HIRIP3: variants seen among roughly 807,000 people sequenced by gnomAD.
The protein encoded by HIRIP3 is HIRA interacting protein 3, also known as HIRA-interacting protein 3.
HIRIP3 carries 40 observed loss-of-function variants against 50.3 expected under a neutral mutation model. That is an observed-to-expected ratio of 0.79 (90% CI 0.62 to 1.03). HIRIP3 has a LOEUF of 1.03. Among genes scored for constraint, HIRIP3 ranks in the 50% least tolerant of loss-of-function variants. The pLI, the probability that HIRIP3 is intolerant of heterozygous loss-of-function variation, is 0.00. For synonymous variants in HIRIP3, 318 were observed against 261.6 expected (o/e 1.22, Z -2.08); for missense variants, 765 against 705.4 (o/e 1.08, Z -0.96).
At chr16:29,995,714 G>A, upstream of HIRIP3, 5 of 1,410,138 alleles carry the variant, frequency 3.5e-6, no homozygotes, top group South Asian at 6.2e-5. Context: ...GTGGGGCGAG[G>A]GACCGTTGGC....
At position 29,993,607 on chromosome 16, in the gene HIRIP3, C is replaced by T. The variant is rs748206727; in HGVS notation, c.1408+33G>A. 8.1e-6 allele frequency: 13 copies of T among 1,611,588 alleles called. No homozygotes were observed. The East Asian group carries it at 2.7e-4, about 33-fold the overall frequency. The stretch of plus-strand genomic sequence containing the variant: ...CTCTCCTCCCCAGCAGGAAGGCCCT[C>T]TCCTGCAGCCCCCAGGGCACGCCGG... On this transcript the variant is annotated intron_variant, in intron 5 of 6. Coordinates refer to ENST00000279392, the MANE Select transcript of HIRIP3 (RefSeq NM_003609.5).
rs763351517 is a variant in HIRIP3, at chr16:29,994,623, T to G, written c.522A>C (p.Lys174Asn). Residue 174 changes from lysine to asparagine, a missense_variant, in exon 4 of 7, where the codon AAA (lysine) becomes AAC (asparagine). By Grantham distance (94) the Lys-to-Asn change is moderately conservative (BLOSUM62 0). Transcript: ENST00000279392. ...CTGGTGCCTGCTTCTTTACCACAGG[T>G]TTCTTCCTAGTCTTCCCCTTGTACC... The part of the protein sequence containing the change: ...EKGYKGKTRK[K>N]PVVKKQAPGK... 1.9e-6 allele frequency: 3 copies of G among 1,614,108 alleles called. No individual in the cohort carries two copies. In the South Asian group the frequency reaches 3.3e-5, roughly 18 times the overall value.
Position 29,994,895 on chromosome 16 carries a change from C to T in HIRIP3, c.302-52G>A, listed in dbSNP as rs757382610. 9.7e-6 allele frequency: 15 copies of T among 1,538,664 alleles called. No homozygotes were observed. In the South Asian group the frequency reaches 1.8e-4, roughly 18 times the overall value. On this transcript the variant is annotated intron_variant, in intron 3 of 6. Transcript: ENST00000279392. ...GAGACAGGCTCCTCCTGTCCCTTCT[C>T]CCTTCACTTCGGATAGGTTGCCTCG...
chr16:29,995,620 G>C (rs762249768), upstream of HIRIP3: 2 of 1,611,866 alleles, frequency 1.2e-6, no homozygotes, highest in Non-Finnish European at 1.7e-6. Flanking sequence ...CTCAACCCGG[G>C]ATTGACGGCT....
At position 29,992,809 on chromosome 16, in the gene HIRIP3, G is replaced by A. The variant is rs2070001691; in HGVS notation, c.*398C>T. 6.0e-6 allele frequency: 1 copy of A among 166,078 alleles called. No individual in the cohort carries two copies. Among genetic ancestry groups the A allele is most frequent in the Non-Finnish European group, 1.3e-5 (1 of 77,604 alleles). The allele number at this position is 166,078 out of a possible 1,614,324, so 10.3% of individuals were successfully genotyped here. A position where few individuals can be genotyped will look rare whatever the true frequency, so the allele number is the denominator to read the frequency against. ...GCCACGGGGTAGGCGGGCAGCACAG[G>A]AGCCACACACCCTTCTCCAAAAGGG... is the stretch of plus-strand genomic sequence containing the variant. On this transcript the variant is annotated 3_prime_UTR_variant, in exon 7 of 7. Coordinates refer to ENST00000279392, the MANE Select transcript of HIRIP3 (RefSeq NM_003609.5).
chr16:29,993,499 C>T lies in HIRIP3; in HGVS notation c.1467G>A (p.Glu489=). The T allele has an allele frequency of 6.2e-7, 1 of 1,613,876 alleles. No homozygotes were observed. Among genetic ancestry groups the T allele is most frequent in the Non-Finnish European group, 8.5e-7 (1 of 1,179,824 alleles). The change falls in exon 6 of 7, where the codon GAG becomes GAA. Residue 489 remains glutamate, a synonymous_variant. Coordinates refer to ENST00000279392, the MANE Select transcript of HIRIP3 (RefSeq NM_003609.5). Reference sequence around the variant, plus strand: ...TGTTCGCAACATCCAAGGAGGCCACCTCAGCTGCCTCCTCCCTCTGCTCCT... The same window carrying T: ...TGTTCGCAACATCCAAGGAGGCCACTTCAGCTGCCTCCTCCCTCTGCTCCT... ...ALKEQREEAA[E]VASLDVANII...
chr16:29,993,557 C>G lies in HIRIP3; in HGVS notation c.1409G>C (p.Gly470Ala). Residue 470 changes from glycine (G) to alanine (A), a missense_variant and splice_region_variant, in exon 6 of 7, where the codon GGT becomes GCT. By Grantham distance (60) the Gly-to-Ala change is moderately conservative (BLOSUM62 0). Transcript: ENST00000279392. ...RAELEALGMK[G>A]TPSLGKCRAL... is the part of the protein sequence containing the mutation. Reference sequence around the variant, plus strand: ...CCGACACTTCCCTAGGGAAGGGGTACCTGGGGCAGAAGAAGCTGGTGATTC... The same window carrying G: ...CCGACACTTCCCTAGGGAAGGGGTAGCTGGGGCAGAAGAAGCTGGTGATTC... 1 of 1,613,280 alleles carries G rather than the reference C, an allele frequency of 6.2e-7. No individual in the cohort carries two copies. The highest frequency in any genetic ancestry group is 8.5e-7 in the Non-Finnish European group (1 of 1,179,472).
upstream of HIRIP3, chr16:29,995,724 C>T (rs1032144071): frequency 1.5e-6 from 2 of 1,318,474 alleles, no homozygotes; most frequent in Non-Finnish European, 2.1e-6. Flanking sequence ...GGACCGTTGG[C>T]CCTTGGCCGC....
rs750398926 is a variant in HIRIP3 at position 29,994,273 on chromosome 16, C to A, written c.872G>T (p.Ser291Ile). ...GGCTGCCTCTTTCTGCTCTTCCTCG[C>A]TGTCTGAGTCTCCCAAGAGCCTCTT... ...QAKRLLGDSD[S>I]EEEQKEAASS... The change falls in exon 4 of 7, where the codon AGC becomes ATC. Residue 291 changes from serine (S) to isoleucine (I), a missense_variant. Ser to Ile is a moderately radical substitution (Grantham distance 142, BLOSUM62 -2). Coordinates refer to ENST00000279392, the MANE Select transcript of HIRIP3 (RefSeq NM_003609.5). 1.4e-5 allele frequency: 23 copies of A among 1,614,114 alleles called. No homozygotes were observed. The highest frequency in any genetic ancestry group is 2.2e-5 in the South Asian group (2 of 91,086).
chr16:29,995,438 G>A lies in HIRIP3; in HGVS notation c.91C>T (p.Arg31Trp), dbSNP rs775605788. The A allele has an allele frequency of 6.2e-7, 1 of 1,613,678 alleles. No homozygotes were observed. Among genetic ancestry groups the A allele is most frequent in the Non-Finnish European group, 8.5e-7 (1 of 1,179,806 alleles). The part of the protein sequence containing the change: ...LSTLTHSIVR[R>W]RYLAHSGRSH... The stretch of plus-strand genomic sequence containing the variant: ...CGGCCCGAGTGAGCTAAGTACCTCC[G>A]CCGCACGATGGAATGCGTAAGCGTG... Residue 31 changes from arginine (R) to tryptophan (W), a missense_variant, in exon 2 of 7, where the codon CGG (arginine) becomes TGG (tryptophan). Coordinates refer to ENST00000279392, the MANE Select transcript of HIRIP3 (RefSeq NM_003609.5).
chr16:29,992,404 C>T lies in HIRIP3; in HGVS notation c.*803G>A, dbSNP rs933648437. ...TGATTTTAATGACTTTAGGTGTGAC[C>T]AGATCTCGGATCTCAAAGGTGGTCT... On this transcript the variant is annotated 3_prime_UTR_variant, in exon 7 of 7. Coordinates refer to ENST00000279392, the MANE Select transcript of HIRIP3 (RefSeq NM_003609.5). 6 of 152,088 alleles carry T rather than the reference C, an allele frequency of 3.9e-5. No homozygotes were observed. Among genetic ancestry groups the T allele is most frequent in the African/African-American group, 1.5e-4 (6 of 41,376 alleles). 9.4% of individuals were successfully genotyped at this position (152,088 alleles called of 1,614,324 possible).
In HIRIP3 at chr16:29,993,931, C is replaced by G; in HGVS notation, c.1214G>C (p.Gly405Ala). The stretch of plus-strand genomic sequence containing the variant: ...CTTCCCTCCTTTGGCCTCTGGACTT[C>G]CATCTGAGGAGGAAGAGGAGCTTCG... ...RTRSSSSSSD[G>A]SPEAKGGKAG... Residue 405 changes from glycine to alanine, a missense_variant, in exon 4 of 7, where the codon GGA becomes GCA. Gly to Ala is a moderately conservative substitution (Grantham distance 60). Transcript: ENST00000279392. 6.4e-7 allele frequency: 1 copy of G among 1,562,270 alleles called. No homozygotes were observed. Among genetic ancestry groups the G allele is most frequent in the Non-Finnish European group, 8.7e-7 (1 of 1,153,670 alleles).
At chr16:29,995,886 A>G (rs2070089138), upstream of HIRIP3, 1 of 559,012 alleles carries the variant, frequency 1.8e-6, no homozygotes, top group Non-Finnish European at 3.2e-6. Flanking sequence ...GTGAAACCTA[A>G]TCAGCCCGCG....
In HIRIP3 at chr16:29,994,765, G is replaced by A; in HGVS notation, c.380C>T (p.Ala127Val). 1 of 1,614,118 alleles carries A rather than the reference G, an allele frequency of 6.2e-7. No individual in the cohort carries two copies. The highest frequency in any genetic ancestry group is 8.5e-7 in the Non-Finnish European group (1 of 1,180,014). The change falls in exon 4 of 7, where the codon GCC (alanine) becomes GTC (valine). Residue 127 changes from alanine (A) to valine (V), a missense_variant. Coordinates refer to ENST00000279392, the MANE Select transcript of HIRIP3 (RefSeq NM_003609.5). ...GGCTCGCCTTGGATTCTCCTCTTTG[G>A]CTGGGCTGACTTCTGCTGCCACCCC... The part of the protein sequence containing the change: ...KNGVAAEVSP[A>V]KEENPRRASK...
In HIRIP3 at chr16:29,994,752, A is replaced by C. The variant is rs774517553; in HGVS notation, c.393T>G (p.Asn131Lys). The C allele has an allele frequency of 7.7e-5, 125 of 1,613,760 alleles. No individual in the cohort carries two copies. The highest frequency in any genetic ancestry group is 1.0e-4 in the Non-Finnish European group (123 of 1,179,978). Residue 131 changes from asparagine (N) to lysine (K), a missense_variant, in exon 4 of 7, where the codon AAT becomes AAG. Coordinates refer to ENST00000279392, the MANE Select transcript of HIRIP3 (RefSeq NM_003609.5). The stretch of plus-strand genomic sequence containing the variant: ...CAACTGCCTTTGAGGCTCGCCTTGG[A>C]TTCTCCTCTTTGGCTGGGCTGACTT... ...AAEVSPAKEE[N>K]PRRASKAVEE... is the part of the protein sequence containing the mutation.
Position 29,994,764 on chromosome 16 carries a change from G to A in HIRIP3, c.381C>T (p.Ala127=), listed in dbSNP as rs1345645910. ...AGGCTCGCCTTGGATTCTCCTCTTT[G>A]GCTGGGCTGACTTCTGCTGCCACCC... is the stretch of plus-strand genomic sequence containing the variant. ...KNGVAAEVSP[A]KEENPRRASK... is the part of the protein sequence containing the mutation. Residue 127 remains alanine (A), a synonymous_variant, in exon 4 of 7, where the codon GCC becomes GCT. Transcript: ENST00000279392. 6.2e-7 allele frequency: 1 copy of A among 1,614,038 alleles called. No individual in the cohort carries two copies. Among genetic ancestry groups the A allele is most frequent in the Non-Finnish European group, 8.5e-7 (1 of 1,180,048 alleles).
chr16:29,994,208 C>G lies in HIRIP3; in HGVS notation c.937G>C (p.Val313Leu), dbSNP rs539500418. Residue 313 changes from valine to leucine, a missense_variant, in exon 4 of 7, where the codon GTG becomes CTG. Physicochemically the swap from Val to Leu is conservative, Grantham distance 32. Coordinates refer to ENST00000279392, the MANE Select transcript of HIRIP3 (RefSeq NM_003609.5). ...DDSGRDREPP[V>L]QRKSEDRTQL... ...GTCCTGTCCTCACTCTTCCTCTGCACTGGGGGTTCTCTATCTCTCCCACTG... is the reference window on the plus strand; with the variant it reads ...GTCCTGTCCTCACTCTTCCTCTGCAGTGGGGGTTCTCTATCTCTCCCACTG... The G allele has an allele frequency of 6.2e-7, 1 of 1,614,050 alleles. No homozygotes were observed. Among genetic ancestry groups the G allele is most frequent in the East Asian group, 2.2e-5 (1 of 44,888 alleles).
chr16:29,995,705 T>C (rs887378987), upstream of HIRIP3: 2 of 1,458,832 alleles, frequency 1.4e-6, no homozygotes, highest in East Asian at 2.5e-5. Flanking sequence ...TGCGGCAACG[T>C]GGGGCGAGGG....
rs767742319 is a variant in HIRIP3, at chr16:29,993,264, T to C, written c.1614A>G (p.Ala538=). 3.2e-5 allele frequency: 50 copies of C among 1,566,774 alleles called. 1 individual carries two copies. In the South Asian group the frequency reaches 5.8e-4, roughly 18 times the overall value. The stretch of plus-strand genomic sequence containing the variant: ...CACGCATATGTGACCAGTCTGGGGG[T>C]GCGGGACGGGGCCGCTCTTCATCTG... The part of the protein sequence containing the change: ...LDSDEERPRP[A]PPDWSHMRGI... The change falls in exon 7 of 7, where the codon GCA becomes GCG. Residue 538 remains alanine, a synonymous_variant. Transcript: ENST00000279392.
Sources: allele counts gnomAD v4.1 joint callset, GRCh38; gene constraint gnomAD v4.1.1; transcripts MANE v1.5; gene names NCBI Gene and HGNC (gene_info 2026-07-23, HGNC 2026-07-21).